TCF7L1: variants seen among roughly 807,000 people sequenced by gnomAD.
The protein encoded by TCF7L1 is transcription factor 7 like 1.
TCF7L1 carries 18 observed loss-of-function variants against 63.7 expected under a neutral mutation model. The observed-to-expected ratio is 0.28, with a 90% CI of 0.20 to 0.42. The LOEUF is 0.42. Ranked by LOEUF, TCF7L1 falls within the 10% of genes least tolerant of loss-of-function variation. The pLI is 1.00. For missense variants in TCF7L1, 654 were observed against 779.3 expected (o/e 0.84, Z 1.91); for synonymous variants, 355 against 340.9 (o/e 1.04, Z -0.46).
At chr2:85,235,595 G>A (rs1027768547) in intron 3 of TCF7L1, among the ~76,000 whole-genome samples, 11 of 152,046 alleles carry the variant, frequency 7.2e-5, no homozygotes, top group South Asian at 2.1e-4. Context: ...GAAGCCTCGC[G>A]GAGCTCAACT....
At chr2:85,215,213 T>G (rs576333693) in intron 3 of TCF7L1, among the ~76,000 whole-genome samples, 2 of 152,320 alleles carry the variant, frequency 1.3e-5, no homozygotes, top group East Asian at 3.9e-4. Context: ...TCTTTGTGAA[T>G]TGGGTGAACT....
At position 85,144,008 on chromosome 2, in the gene TCF7L1, G is replaced by A. The variant is rs917135673; in HGVS notation, c.441+9558G>A. On this transcript the variant is annotated intron_variant, in intron 3 of 11. Transcript: ENST00000282111. ...TTGACCTGTTTGGAAATTGGGGATT[G>A]TTTTTCCTCATTGAAATTGGTGAGG... 3.9e-5 allele frequency among the ~76,000 whole-genome samples: 6 copies of A among 152,292 alleles called. No individual in the cohort carries two copies. In the East Asian group the frequency reaches 1.2e-3, roughly 29 times the overall value.
intron 3 of TCF7L1, among the ~76,000 whole-genome samples, chr2:85,264,861 G>C (rs1019594110): frequency 5.9e-5 from 9 of 152,146 alleles, no homozygotes; most frequent in Non-Finnish European, 1.0e-4. Context: ...TATGGCATAT[G>C]GGTTATGATA....
At chr2:85,167,246 G>A (rs947965453) in intron 3 of TCF7L1, 4 of 152,838 alleles carry the variant, frequency 2.6e-5, no homozygotes, top group African/African-American at 9.7e-5. Flanking sequence ...GGGACTGGCT[G>A]GGGGGTAAGG....
rs1170986070 is a variant in TCF7L1, at chr2:85,134,306, C to T, written c.314-17C>T. The T allele has an allele frequency of 1.9e-6, 3 of 1,574,932 alleles. No homozygotes were observed. The highest frequency in any genetic ancestry group is 1.8e-5 in the Admixed American group (1 of 54,938). On this transcript the variant is annotated splice_polypyrimidine_tract_variant and intron_variant, in intron 2 of 11. Coordinates refer to ENST00000282111, the MANE Select transcript of TCF7L1 (RefSeq NM_031283.3). The surrounding 1 kb of genome is among the most constrained non-coding windows in gnomAD (Gnocchi z 5.0). Reference sequence around the variant, plus strand: ...CCCGGGGGCCTGGGCCTCACCTCGCCTTGGTCTTGTTCGCAGTGAGAAGGC... The same window carrying T: ...CCCGGGGGCCTGGGCCTCACCTCGCTTTGGTCTTGTTCGCAGTGAGAAGGC...
chr2:85,165,358 T>G (rs1012617743), intron 3 of TCF7L1, among the ~76,000 whole-genome samples: 1 of 147,556 alleles, frequency 6.8e-6, no homozygotes, highest in Admixed American at 7.0e-5. Flanking sequence ...GGTAGAAGCT[T>G]TTGAACAAGC....
intron 3 of TCF7L1, among the ~76,000 whole-genome samples, chr2:85,281,038 T>G (rs2104366155): frequency 6.7e-6 from 1 of 149,912 alleles, no homozygotes; most frequent in Non-Finnish European, 1.5e-5. Flanking sequence ...TTTTTTTTTT[T>G]TTTGAGACAA....
At chr2:85,162,952 G>T (rs1250442553) in intron 3 of TCF7L1, among the ~76,000 whole-genome samples, 4 of 152,104 alleles carry the variant, frequency 2.6e-5, no homozygotes, top group Non-Finnish European at 4.4e-5. Context: ...AGTAAAGGGC[G>T]CCGTAGACTG....
chr2:85,221,103 G>A (rs1378344417), intron 3 of TCF7L1, among the ~76,000 whole-genome samples: 2 of 152,056 alleles, frequency 1.3e-5, no homozygotes, highest in Admixed American at 6.6e-5. Context: ...TGAGTAAGAC[G>A]GAAAAGATGA....
intron 3 of TCF7L1, among the ~76,000 whole-genome samples, chr2:85,144,719 C>CTCTCTGTG (rs1553393493): frequency 3.8e-4 from 54 of 140,498 alleles, no homozygotes; most frequent in African/African-American, 1.3e-3. Context: ...CTCTCTCTCT[C>CTCTCTGTG]TGTGTGTGTG....
At chr2:85,299,707 A>G (rs1681918123) in intron 4 of TCF7L1, among the ~76,000 whole-genome samples, 1 of 151,744 alleles carries the variant, frequency 6.6e-6, no homozygotes. Context: ...TCTCTACAAA[A>G]TATTAGCGAG....
At chr2:85,171,732 G>T (rs998699580) in intron 3 of TCF7L1, among the ~76,000 whole-genome samples, 1 of 152,224 alleles carries the variant, frequency 6.6e-6, no homozygotes, top group Non-Finnish European at 1.5e-5. Flanking sequence ...TCTCCTGCCT[G>T]CTAGCTTTGC....
At chr2:85,140,069 T>G (rs1033859268) in intron 3 of TCF7L1, among the ~76,000 whole-genome samples, 2 of 152,124 alleles carry the variant, frequency 1.3e-5, no homozygotes, top group Non-Finnish European at 2.9e-5. Flanking sequence ...GAAATAGGAT[T>G]CTTGTCTGTA....
chr2:85,197,294 C>T (rs1160702405), intron 3 of TCF7L1, among the ~76,000 whole-genome samples: 6 of 152,068 alleles, frequency 3.9e-5, no homozygotes, highest in Admixed American at 3.3e-4. Flanking sequence ...GCCTGTAATC[C>T]CAGCTATTTG....
intron 3 of TCF7L1, among the ~76,000 whole-genome samples, chr2:85,246,578 CT>C (rs1036644376): frequency 5.3e-5 from 8 of 152,194 alleles, no homozygotes; most frequent in African/African-American, 1.2e-4. Flanking sequence ...GGATTTGCCC[CT>C]GGCAAGGCGA....
intron 3 of TCF7L1, among the ~76,000 whole-genome samples, chr2:85,169,790 C>T (rs1252988438): frequency 6.6e-6 from 1 of 152,080 alleles, no homozygotes; most frequent in Non-Finnish European, 1.5e-5. Flanking sequence ...GCCACACAGC[C>T]CTGGTCTGGG....
At chr2:85,232,886 A>G (rs1248850028) in intron 3 of TCF7L1, 1 of 152,184 alleles carries the variant, frequency 6.6e-6, no homozygotes. Context: ...GTGTAACTTC[A>G]GAGAACAAAG....
intron 3 of TCF7L1, among the ~76,000 whole-genome samples, chr2:85,175,495 T>C (rs1558624374): frequency 6.6e-6 from 1 of 152,174 alleles, no homozygotes; most frequent in Non-Finnish European, 1.5e-5. Flanking sequence ...CTCCTGGTCA[T>C]AGGCTTGAGC....
intron 3 of TCF7L1, among the ~76,000 whole-genome samples, chr2:85,202,748 T>C (rs1315112024): frequency 2.0e-5 from 3 of 152,226 alleles, no homozygotes; most frequent in Admixed American, 6.5e-5. Flanking sequence ...CTTATTGTAA[T>C]GGTGAGGCAC....
Sources: allele counts gnomAD v4.1 joint callset (sites outside exome capture counted in the v4.1 genomes callset), GRCh38; gene constraint gnomAD v4.1.1; non-coding constraint Gnocchi (gnomAD v3.1); transcripts MANE v1.5; gene names NCBI Gene and HGNC (gene_info 2026-07-23, HGNC 2026-07-21).